The following ADORA1 variants were observed in gnomAD, a reference collection of about 807,000 sequenced individuals.
ADORA1 encodes adenosine A1 receptor.
Under a neutral mutation model 19.9 loss-of-function variants are expected in ADORA1, and 6 were observed. The observed-to-expected ratio is 0.30, with a 90% confidence interval of 0.17 to 0.59. The LOEUF (loss-of-function observed/expected upper bound fraction) is 0.59. ADORA1 is among the 20% of genes least tolerant of loss of function. The pLI is 0.87. For missense variants in ADORA1, 302 were observed against 439.2 expected (o/e 0.69, Z 2.79); for synonymous variants, 194 against 188.4 (o/e 1.03, Z -0.24).
chr1:203,147,983 C>A (rs143622279), intron 3 of ADORA1, among the ~76,000 whole-genome samples: 1 of 152,116 alleles, frequency 6.6e-6, no homozygotes, highest in Non-Finnish European at 1.5e-5. Context: ...CTTTGGGAGG[C>A]CGAGGGAGGC....
intron 3 of ADORA1, among the ~76,000 whole-genome samples, chr1:203,131,836 TACGAA>T (rs1442980329): frequency 5.3e-5 from 8 of 152,322 alleles, no homozygotes; most frequent in Admixed American, 3.3e-4. Flanking sequence ...CTGCTGGGTC[TACGAA>T]ACTCCTCTTG....
chr1:203,161,495 C>T (rs562413121), intron 3 of ADORA1, among the ~76,000 whole-genome samples: 5 of 151,874 alleles, frequency 3.3e-5, no homozygotes, highest in South Asian at 2.1e-4. Context: ...CCCAAAGGAA[C>T]GTCTCATTCC....
At chr1:203,163,507 C>G (rs1655436056) in intron 3 of ADORA1, among the ~76,000 whole-genome samples, 1 of 152,112 alleles carries the variant, frequency 6.6e-6, no homozygotes, top group South Asian at 2.1e-4. Context: ...CTCTCAAGGC[C>G]CCTTGGTGGT....
intron 3 of ADORA1, among the ~76,000 whole-genome samples, chr1:203,147,325 C>T (rs549182868): frequency 3.3e-5 from 5 of 152,094 alleles, no homozygotes; most frequent in Admixed American, 2.0e-4. Flanking sequence ...TTTTTTTCCT[C>T]GTATCGGGGG....
intron 3 of ADORA1, among the ~76,000 whole-genome samples, chr1:203,155,858 TA>T (rs748133770): frequency 7.9e-4 from 120 of 152,352 alleles, no homozygotes; most frequent in Non-Finnish European, 1.5e-3. Context: ...CAGCAGGGAA[TA>T]AACCAGGGAA....
rs529749301 is a variant in ADORA1 at position 203,162,630 on chromosome 1, G to A, written c.342-2631G>A. ...CCCCTTTTAAATCTCTTAGGCAAGG[G>A]ATATTTTCAACCTGCCAATCATCTG... is the stretch of plus-strand genomic sequence containing the variant. On this transcript the variant is annotated intron_variant, in intron 3 of 3. Coordinates refer to ENST00000337894, the MANE Select transcript of ADORA1 (RefSeq NM_000674.3). 3.9e-5 allele frequency among the ~76,000 whole-genome samples: 6 copies of A among 152,282 alleles called. No individual in the cohort carries two copies. The South Asian group carries it at 1.2e-3, about 32-fold the overall frequency.
intron 3 of ADORA1, among the ~76,000 whole-genome samples, chr1:203,146,445 T>C (rs1020645896): frequency 6.6e-6 from 1 of 151,772 alleles, no homozygotes; most frequent in Non-Finnish European, 1.5e-5. Flanking sequence ...TTGGGCAACA[T>C]AGGGAGTCCC....
intron 3 of ADORA1, among the ~76,000 whole-genome samples, chr1:203,134,097 A>G (rs1654429394): frequency 6.6e-6 from 1 of 152,102 alleles, no homozygotes; most frequent in South Asian, 2.1e-4. Flanking sequence ...GAGGAGTTGG[A>G]GGAAGCCCTG....
chr1:203,129,604 TACTG>T, intron 3 of ADORA1: 1 of 170,844 alleles, frequency 5.9e-6, no homozygotes, highest in Admixed American at 6.2e-5. Flanking sequence ...GGTGGGAACA[TACTG>T]AGGGTGGCAC....
chr1:203,143,063 CTAA>C (rs1490284112), intron 3 of ADORA1, among the ~76,000 whole-genome samples: 1 of 152,148 alleles, frequency 6.6e-6, no homozygotes, highest in Non-Finnish European at 1.5e-5. Flanking sequence ...GTCCCAGGGG[CTAA>C]TAACAACTTA....
At chr1:203,135,820 C>T (rs1292703138) in intron 3 of ADORA1, among the ~76,000 whole-genome samples, 5 of 152,068 alleles carry the variant, frequency 3.3e-5, no homozygotes. Context: ...AAATATTTCC[C>T]AAGTCCCTTT....
intron 3 of ADORA1, among the ~76,000 whole-genome samples, chr1:203,136,710 A>G (rs1306209913): frequency 6.6e-6 from 1 of 151,864 alleles, no homozygotes; most frequent in Non-Finnish European, 1.5e-5. Context: ...GCTGGATCCC[A>G]CTCCACACTC....
chr1:203,163,593 A>T (rs187270642), intron 3 of ADORA1, among the ~76,000 whole-genome samples: 12 of 152,298 alleles, frequency 7.9e-5, no homozygotes, highest in Admixed American at 7.8e-4. Flanking sequence ...GGAGTCATCT[A>T]GTCCTCAATT....
intron 3 of ADORA1, among the ~76,000 whole-genome samples, chr1:203,154,161 A>C (rs556598409): frequency 1.1e-4 from 16 of 152,288 alleles, no homozygotes; most frequent in South Asian, 2.1e-4. Context: ...AGCAGTTGAC[A>C]GGACACTGTG....
At chr1:203,150,847 G>T in intron 3 of ADORA1, 1 of 1,270,632 alleles carries the variant, frequency 7.9e-7, no homozygotes, top group East Asian at 5.6e-5. Flanking sequence ...TCCAGGGCAG[G>T]GGGCTAGGTG....
intron 3 of ADORA1, among the ~76,000 whole-genome samples, chr1:203,151,551 T>C (rs1186892798): frequency 6.6e-6 from 1 of 152,190 alleles, no homozygotes; most frequent in African/African-American, 2.4e-5. Flanking sequence ...ATCAGGGGTG[T>C]GCTCCTGGTG....
At chr1:203,146,119 G>A (rs1299934833) in intron 3 of ADORA1, among the ~76,000 whole-genome samples, 2 of 151,924 alleles carry the variant, frequency 1.3e-5, no homozygotes, top group African/African-American at 2.4e-5. Flanking sequence ...TTGCAGTCTG[G>A]TGGGGGAGGG....
chr1:203,160,821 A>G (rs567242581), intron 3 of ADORA1, among the ~76,000 whole-genome samples: 4 of 152,234 alleles, frequency 2.6e-5, no homozygotes, highest in Non-Finnish European at 5.9e-5. Flanking sequence ...TTAAATAAAT[A>G]AATAAATAGT....
intron 3 of ADORA1, among the ~76,000 whole-genome samples, chr1:203,138,167 C>G (rs75829814): frequency 0.019 from 2,960 of 152,178 alleles, 74 homozygotes; most frequent in African/African-American, 0.061. Flanking sequence ...TGGGAGGATG[C>G]AGTTGGCATC....
Sources: gnomAD v4.1 joint callset for allele counts (sites outside exome capture counted in the v4.1 genomes callset) on GRCh38, gnomAD v4.1.1 for gene constraint, MANE v1.5 for transcripts, NCBI Gene and HGNC (gene_info 2026-07-23, HGNC 2026-07-21) for gene names.